Variants in GEMIN2 observed in about 807,000 individuals in gnomAD.
GEMIN2 encodes gem nuclear organelle associated protein 2.
A neutral mutation model predicts 45.8 loss-of-function variants in GEMIN2; 37 were observed. The observed-to-expected ratio is 0.81, with a 90% CI of 0.62 to 1.06. The LOEUF is 1.06. Among genes scored for constraint, GEMIN2 ranks in the 50% least tolerant of loss-of-function variants. GEMIN2 has a pLI of 0.00. For synonymous variants in GEMIN2, 101 were observed against 111.5 expected (o/e 0.91, Z 0.60); for missense variants, 335 against 321.8 (o/e 1.04, Z -0.31).
At position 39,128,276 on chromosome 14, in the gene GEMIN2, TTA is replaced by T; in HGVS notation, c.532-3_532-2del. 1 of 1,520,522 alleles carries T rather than the reference TTA, an allele frequency of 6.6e-7. No homozygotes were observed. Among genetic ancestry groups the T allele is most frequent in the Admixed American group, 1.8e-5 (1 of 55,216 alleles). The allele number at this position is 1,520,522 out of a possible 1,614,324, so 94.2% of individuals were successfully genotyped here. A position where few individuals can be genotyped will look rare whatever the true frequency, so the allele number is the denominator to read the frequency against. On this transcript the variant is annotated splice_acceptor_variant and splice_polypyrimidine_tract_variant and intron_variant, in intron 6 of 9. Transcript: ENST00000308317. LOFTEE classifies it high-confidence loss of function. ...TCTTCTCCACCCCCTCTTTTTTTTT[TTA>T]GGCAACAGTAACTAGTGTCTTGGAA...
At chr14:39,129,586 G>C (rs1025294567) in intron 7 of GEMIN2, among the ~76,000 whole-genome samples, 1 of 151,866 alleles carries the variant, frequency 6.6e-6, no homozygotes, top group African/African-American at 2.4e-5. Flanking sequence ...GCTAATTTTT[G>C]TATTTTTGTA....
Position 39,125,185 on chromosome 14 carries a change from C to A in GEMIN2, c.531+149C>A, listed in dbSNP as rs1420283415. 7.9e-6 allele frequency: 4 copies of A among 507,534 alleles called. No individual in the cohort carries two copies. The Admixed American group carries it at 9.4e-5, about 12-fold the overall frequency. The allele number at this position is 507,534 out of a possible 1,614,324, so 31.4% of individuals were successfully genotyped here. A position where few individuals can be genotyped will look rare whatever the true frequency, so the allele number is the denominator to read the frequency against. ...TTCTTATTTAATCCTTACTACAACC[C>A]TCTATGGAGAGTTATTATTGATAAC... On this transcript the variant is annotated intron_variant, in intron 6 of 9. Transcript: ENST00000308317.
At chr14:39,123,384 A>G (rs1350847851) in intron 5 of GEMIN2, among the ~76,000 whole-genome samples, 1 of 152,160 alleles carries the variant, frequency 6.6e-6, no homozygotes, top group Non-Finnish European at 1.5e-5. Flanking sequence ...AAGAAAAAAT[A>G]GCCAAAGGAT....
intron 5 of GEMIN2, among the ~76,000 whole-genome samples, chr14:39,124,647 C>T (rs894489583): frequency 1.3e-5 from 2 of 151,904 alleles, no homozygotes. Context: ...TTGACATGCA[C>T]CTGTGGTCCT....
At position 39,133,650 on chromosome 14, in the gene GEMIN2, T is replaced by TTA. The variant is rs748673289; in HGVS notation, c.712-10_712-9insAT. 1 of 1,447,430 alleles carries TTA rather than the reference T, an allele frequency of 6.9e-7. No individual in the cohort carries two copies. The highest frequency in any genetic ancestry group is 9.4e-7 in the Non-Finnish European group (1 of 1,069,412). 89.7% of individuals were successfully genotyped at this position (1,447,430 alleles called of 1,614,324 possible). A position where few individuals can be genotyped will look rare whatever the true frequency, so the allele number is the denominator to read the frequency against. ...CAGACAATATTTAAATTTTTCTTTT[T>TTA]TTTTTTTTAGGATAGCAAAGATGAT... On this transcript the variant is annotated splice_polypyrimidine_tract_variant and intron_variant, in intron 8 of 9. Coordinates refer to ENST00000308317, the MANE Select transcript of GEMIN2 (RefSeq NM_003616.3).
intron 2 of GEMIN2, among the ~76,000 whole-genome samples, chr14:39,116,187 C>T (rs1299601602): frequency 1.3e-5 from 2 of 151,700 alleles, no homozygotes; most frequent in African/African-American, 4.8e-5. Flanking sequence ...AGGCGTGTGC[C>T]ACCACACCTG....
intron 2 of GEMIN2, 53 bp downstream of exon 2, chr14:39,114,966 T>A (rs2052482602): frequency 3.6e-6 from 3 of 831,364 alleles, no homozygotes; most frequent in Middle Eastern, 2.2e-4. Flanking sequence ...ATTAAAAGAC[T>A]AACGCTCTTC....
At chr14:39,133,962 T>TA (rs1009715202) in intron 9 of GEMIN2, 8 of 246,888 alleles carry the variant, frequency 3.2e-5, no homozygotes, top group South Asian at 1.0e-4. Flanking sequence ...CCTGGCTAAT[T>TA]AAAAAAAATT....
chr14:39,127,784 C>T (rs1209175060), intron 6 of GEMIN2, among the ~76,000 whole-genome samples: 1 of 152,012 alleles, frequency 6.6e-6, no homozygotes, highest in Non-Finnish European at 1.5e-5. Flanking sequence ...AAAAGCCTCA[C>T]TGGGGCTAGG....
chr14:39,118,141 T>C (rs1387712591), intron 3 of GEMIN2, 53 bp downstream of exon 3: 2 of 920,200 alleles, frequency 2.2e-6, no homozygotes, highest in East Asian at 2.6e-5. Context: ...TTTCTGTTCT[T>C]AGACTGTAGC....
At chr14:39,120,557 A>C (rs1013842081) in intron 4 of GEMIN2, among the ~76,000 whole-genome samples, 4 of 152,240 alleles carry the variant, frequency 2.6e-5, no homozygotes, top group African/African-American at 9.6e-5. Flanking sequence ...AGATAACCTT[A>C]TTCCAAGACA....
chr14:39,130,252 A>C (rs2052699725), intron 7 of GEMIN2, among the ~76,000 whole-genome samples: 1 of 152,076 alleles, frequency 6.6e-6, no homozygotes, highest in South Asian at 2.1e-4. Context: ...TGTAAGAAAA[A>C]GTCTTAACTA....
At chr14:39,120,893 A>C (rs2052565512) in intron 4 of GEMIN2, among the ~76,000 whole-genome samples, 1 of 152,196 alleles carries the variant, frequency 6.6e-6, no homozygotes, top group East Asian at 1.9e-4. Context: ...AATGAAAGCT[A>C]CTTATCCCTA....
intron 3 of GEMIN2, among the ~76,000 whole-genome samples, chr14:39,118,335 G>T (rs1215594233): frequency 3.3e-5 from 5 of 152,086 alleles, no homozygotes; most frequent in African/African-American, 1.2e-4. Flanking sequence ...ACATGGATAA[G>T]TTCTTTAGTG....
intron 5 of GEMIN2, among the ~76,000 whole-genome samples, chr14:39,123,708 A>ATT (rs1162485883): frequency 1.8e-3 from 66 of 37,682 alleles, no homozygotes; most frequent in Admixed American, 2.8e-3. Flanking sequence ...ATATATATAT[A>ATT]TTTTTTTTTT....
chr14:39,129,579 A>G (rs995366544), intron 7 of GEMIN2, among the ~76,000 whole-genome samples: 2 of 151,852 alleles, frequency 1.3e-5, no homozygotes, highest in Non-Finnish European at 2.9e-5. Context: ...ACACCCAGCT[A>G]ATTTTTGTAT....
rs769480006 is a variant in GEMIN2, at chr14:39,118,017, G to T, written c.241G>T (p.Ala81Ser). 8 of 1,600,494 alleles carry T rather than the reference G, an allele frequency of 5.0e-6. No individual in the cohort carries two copies. Among genetic ancestry groups the T allele is most frequent in the Admixed American group, 1.7e-5 (1 of 58,782 alleles). ...VNISLSGCQP[A>S]PEGYSPTLQW... ...TCTCTAGCTTTCAGGATGCCAACCC[G>T]CCCCTGAAGGTTATTCCCCAACACT... Residue 81 changes from alanine (A) to serine (S), a missense_variant, in exon 3 of 10, where the codon GCC becomes TCC. Transcript: ENST00000308317.
At chr14:39,131,018 C>A (rs1358332041) in intron 7 of GEMIN2, among the ~76,000 whole-genome samples, 4 of 151,896 alleles carry the variant, frequency 2.6e-5, no homozygotes, top group Non-Finnish European at 5.9e-5. Context: ...GGTTGTACAG[C>A]CGGGCATGGT....
In GEMIN2 at chr14:39,114,466, G is replaced by C. The variant is rs1566527896; in HGVS notation, c.128G>C (p.Arg43Thr). 1 of 1,613,026 alleles carries C rather than the reference G, an allele frequency of 6.2e-7. No homozygotes were observed. The highest frequency in any genetic ancestry group is 8.5e-7 in the Non-Finnish European group (1 of 1,179,206). ...CCGAGGACGCCTCAGGAATACCTGA[G>C]GCGGGTCCAGTGAGTGATTCGGCCC... is the stretch of plus-strand genomic sequence containing the variant. ...VPPRTPQEYL[R>T]RVQIEAAQCP... Residue 43 changes from arginine (R) to threonine (T), a missense_variant, in exon 1 of 10, where the codon AGG (arginine) becomes ACG (threonine). Transcript: ENST00000308317.
Sources: gnomAD v4.1 joint callset for allele counts (sites outside exome capture counted in the v4.1 genomes callset) on GRCh38, gnomAD v4.1.1 for gene constraint, MANE v1.5 for transcripts, NCBI Gene and HGNC (gene_info 2026-07-23, HGNC 2026-07-21) for gene names.